Variants in ZFYVE28 observed in about 807,000 individuals in gnomAD.
The protein encoded by ZFYVE28 is zinc finger FYVE-type containing 28.
A neutral mutation model predicts 82.1 loss-of-function variants in ZFYVE28; 40 were observed. The ratio of observed to expected loss-of-function variants is 0.49; its 90% CI spans 0.38 to 0.63. The LOEUF is 0.63. Ranked by LOEUF, ZFYVE28 falls within the 30% of genes least tolerant of loss-of-function variation. The pLI is 0.00. For synonymous variants in ZFYVE28, 612 were observed against 546.1 expected, an observed-to-expected ratio of 1.12 and a Z score of -1.68; for missense variants, 1,321 against 1,242.1, an observed-to-expected ratio of 1.06 and a Z score of -0.96.
intron 8 of ZFYVE28, 49 bp from the exon 9 acceptor site, chr4:2,274,265 G>A (rs1330159382): frequency 6.3e-7 from 1 of 1,585,600 alleles, no homozygotes; most frequent in Non-Finnish European, 8.6e-7. Flanking sequence ...ATGATAAGGG[G>A]CCGTGGAGCC....
At chr4:2,327,866 TTC>T (rs1434834058) in intron 6 of ZFYVE28, among the ~76,000 whole-genome samples, 3 of 152,246 alleles carry the variant, frequency 2.0e-5, no homozygotes, top group African/African-American at 7.2e-5. Context: ...GAGATATCAT[TTC>T]TCATTTGTCT....
intron 2 of ZFYVE28, among the ~76,000 whole-genome samples, chr4:2,346,793 A>G (rs903127538): frequency 6.6e-6 from 1 of 152,164 alleles, no homozygotes; most frequent in African/African-American, 2.4e-5. Context: ...AGCATAAAAA[A>G]TAAATAGAAT....
intron 1 of ZFYVE28, among the ~76,000 whole-genome samples, chr4:2,396,775 C>A (rs6826252): frequency 0.012 from 716 of 57,832 alleles, 131 homozygotes; most frequent in African/African-American, 0.044. Context: ...CAGAGGGGAC[C>A]CAAGGCGGGG....
At chr4:2,358,453 T>C (rs1041268788) in intron 1 of ZFYVE28, among the ~76,000 whole-genome samples, 1 of 152,164 alleles carries the variant, frequency 6.6e-6, no homozygotes, top group Non-Finnish European at 1.5e-5. Flanking sequence ...GGCCTGATAC[T>C]TGACCCCTCC....
intron 1 of ZFYVE28, among the ~76,000 whole-genome samples, chr4:2,413,481 T>A (rs1732731066): frequency 6.6e-6 from 1 of 152,196 alleles, no homozygotes; most frequent in Admixed American, 6.5e-5. Flanking sequence ...CTGCTCTGAC[T>A]CAGCACTGCC....
At chr4:2,308,675 A>AAGAAAGAAAGAGAGAGAGAG (rs1200372952) in intron 7 of ZFYVE28, among the ~76,000 whole-genome samples, 12 of 93,214 alleles carry the variant, frequency 1.3e-4, no homozygotes, top group African/African-American at 5.0e-4. Flanking sequence ...GAAAGAAAGA[A>AAGAAAGAAAGAGAGAGAGAG]AGAGAAAGAA....
Position 2,335,922 on chromosome 4 carries a change from G to T in ZFYVE28, c.612-128C>A. The T allele has an allele frequency of 2.8e-6, 2 of 719,182 alleles. No homozygotes were observed. Among genetic ancestry groups the T allele is most frequent in the South Asian group, 3.2e-5 (2 of 62,056 alleles). The allele number at this position is 719,182 out of a possible 1,614,324, so 44.6% of individuals were successfully genotyped here. A position where few individuals can be genotyped will look rare whatever the true frequency, so the allele number is the denominator to read the frequency against. On this transcript the variant is annotated intron_variant, in intron 5 of 12. Coordinates refer to ENST00000290974, the MANE Select transcript of ZFYVE28 (RefSeq NM_020972.3). This position sits in a 1 kb window ranked among gnomAD's most constrained non-coding sequence, Gnocchi z 5.8. ...CCACGCGTGGTGGCCACGTCAAGAG[G>T]TGACACATGCCACCCCCAGTCCTCA...
intron 6 of ZFYVE28, chr4:2,331,136 G>A (rs1720629229): frequency 6.1e-6 from 1 of 163,982 alleles, no homozygotes; most frequent in South Asian, 1.4e-4. Flanking sequence ...GGATGGGCTG[G>A]AAGGAGGGGC....
intron 8 of ZFYVE28, among the ~76,000 whole-genome samples, chr4:2,290,705 C>A (rs1035982345): frequency 8.5e-5 from 13 of 152,272 alleles, no homozygotes; most frequent in African/African-American, 2.9e-4. Context: ...GGGGCAGGGG[C>A]CAGGCCAGGG....
rs1408515808 is a variant in ZFYVE28 at position 2,372,876 on chromosome 4, G to A, written c.40-18803C>T. Among the ~76,000 whole-genome samples, 1 of 151,942 alleles carries A rather than the reference G, an allele frequency of 6.6e-6. No homozygotes were observed. The highest frequency in any genetic ancestry group is 1.5e-5 in the Non-Finnish European group (1 of 67,930). On this transcript the variant is annotated intron_variant, in intron 1 of 12. Transcript: ENST00000290974. The surrounding 1 kb of genome is among the most constrained non-coding windows in gnomAD (Gnocchi z 5.2). The stretch of plus-strand genomic sequence containing the variant: ...AGCCTGGACCCAGTCCCTACCCAGG[G>A]GCCCTCCTAGCACCCCCAGCCTCTC...
chr4:2,359,471 T>C (rs1203447524), intron 1 of ZFYVE28, among the ~76,000 whole-genome samples: 1 of 152,118 alleles, frequency 6.6e-6, no homozygotes, highest in Non-Finnish European at 1.5e-5. Context: ...AATGAGGTCA[T>C]CAGGGCGGGC....
At chr4:2,388,085 A>C (rs990078790) in intron 1 of ZFYVE28, among the ~76,000 whole-genome samples, 2 of 152,204 alleles carry the variant, frequency 1.3e-5, no homozygotes, top group Admixed American at 1.3e-4. Context: ...GAGCTCCCAT[A>C]ATGCAGCACT....
chr4:2,299,143 C>G (rs538856509), intron 8 of ZFYVE28, among the ~76,000 whole-genome samples: 3 of 152,218 alleles, frequency 2.0e-5, no homozygotes, highest in Non-Finnish European at 4.4e-5. Context: ...ACAGACCAGA[C>G]GGAACATTTT....
intron 1 of ZFYVE28, among the ~76,000 whole-genome samples, chr4:2,401,038 G>A (rs1235659768): frequency 3.3e-5 from 5 of 152,208 alleles, no homozygotes; most frequent in African/African-American, 4.8e-5. Flanking sequence ...GGTGGCAGAC[G>A]TCACACACAC....
chr4:2,273,392 A>G (rs1362976631), intron 9 of ZFYVE28, 103 bp from the exon 10 acceptor site: 2 of 967,964 alleles, frequency 2.1e-6, no homozygotes, highest in Non-Finnish European at 3.1e-6. Flanking sequence ...CTCACAGCCC[A>G]GGCCAGCGTG....
At position 2,409,345 on chromosome 4, in the gene ZFYVE28, G is replaced by A. The variant is rs1040964676; in HGVS notation, c.39+8940C>T. On this transcript the variant is annotated intron_variant, in intron 1 of 12. Coordinates refer to ENST00000290974, the MANE Select transcript of ZFYVE28 (RefSeq NM_020972.3). The surrounding 1 kb of genome is among the most constrained non-coding windows in gnomAD (Gnocchi z 4.4). ...CCCACCAGTCCCAGCTTCCAATCTC[G>A]TCTCTCCCACAGCAGGCCTGGAAGG... Among the ~76,000 whole-genome samples the A allele has an allele frequency of 3.3e-5, 5 of 150,232 alleles. No individual in the cohort carries two copies. Among genetic ancestry groups the A allele is most frequent in the Non-Finnish European group, 5.9e-5 (4 of 67,762 alleles).
chr4:2,339,541 G>T lies in ZFYVE28; in HGVS notation c.433C>A (p.Gln145Lys). ...LEDVRGALRD[Q>K]ALRDLNTYTE... ...TAGGTGTTCAGGTCCCGCAGCGCCT[G>T]GTCACGGAGGGCGCCCCGCACGTCC... Residue 145 changes from glutamine (Q) to lysine (K), a missense_variant, in exon 4 of 13, where the codon CAG becomes AAG. Physicochemically the swap from Gln to Lys is moderately conservative, Grantham distance 53 (BLOSUM62 1). This residue lies in a region of ZFYVE28 where 343 missense variants were observed against 408.4 expected (regional missense o/e 0.84). Transcript: ENST00000290974. This position sits in a 1 kb window ranked among gnomAD's most constrained non-coding sequence, Gnocchi z 5.0. 1 of 1,613,646 alleles carries T rather than the reference G, an allele frequency of 6.2e-7. No individual in the cohort carries two copies. The highest frequency in any genetic ancestry group is 8.5e-7 in the Non-Finnish European group (1 of 1,179,898).
intron 8 of ZFYVE28, among the ~76,000 whole-genome samples, chr4:2,293,577 C>A (rs1714069837): frequency 6.6e-6 from 1 of 151,816 alleles, no homozygotes; most frequent in Non-Finnish European, 1.5e-5. Context: ...CACGGTGAAA[C>A]CCCGTCTCTA....
intron 1 of ZFYVE28, among the ~76,000 whole-genome samples, chr4:2,402,165 C>T (rs1339486840): frequency 6.6e-6 from 1 of 152,216 alleles, no homozygotes; most frequent in Admixed American, 6.5e-5. Context: ...GCTCTGCTGC[C>T]ACCGCTCCCC....
Sources: allele counts gnomAD v4.1 joint callset (sites outside exome capture counted in the v4.1 genomes callset), GRCh38; gene constraint gnomAD v4.1.1; regional missense constraint gnomAD v4.1.1; non-coding constraint Gnocchi (gnomAD v3.1); transcripts MANE v1.5; gene names NCBI Gene and HGNC (gene_info 2026-07-23, HGNC 2026-07-21).